NBDY: variants seen among roughly 807,000 people sequenced by gnomAD.
NBDY encodes the protein P-body dissociating protein.
chrX:56,787,106 A>G (rs1022735051), intron 2 of NBDY, among the ~76,000 whole-genome samples: 1 of 111,161 alleles, frequency 9.0e-6, no homozygotes, highest in African/African-American at 3.3e-5. Flanking sequence ...TCCGGATTTC[A>G]GTGTGTGCAG....
intron 2 of NBDY, among the ~76,000 whole-genome samples, chrX:56,792,214 G>A (rs771784386): frequency 1.4e-4 from 16 of 111,051 alleles, no homozygotes; most frequent in Non-Finnish European, 2.4e-4. Context: ...CTGCCCACAT[G>A]TTATATTTAA....
rs1263081469 is a variant in NBDY at position 56,818,310 on chromosome X, C to T, written c.*1157C>T. 1 of 111,571 alleles carries T rather than the reference C, an allele frequency of 9.0e-6. No homozygotes were observed. Among genetic ancestry groups the T allele is most frequent in the Non-Finnish European group, 1.9e-5 (1 of 53,075 alleles). 9.2% of individuals were successfully genotyped at this position (111,571 alleles called of 1,213,427 possible). A position where few individuals can be genotyped will look rare whatever the true frequency, so the allele number is the denominator to read the frequency against. On this transcript the variant is annotated 3_prime_UTR_variant, in exon 3 of 3. Coordinates refer to ENST00000374922, the MANE Select transcript of NBDY (RefSeq NM_001348129.2). ...ATGAATATTTAGAGAGATTGTGAAA[C>T]CTGAGTATTTTACCCAATCCTCTGA...
At position 56,804,857 on chromosome X, in the gene NBDY, A is replaced by G. The variant is rs763965660; in HGVS notation, c.*167-12463A>G. Among the ~76,000 whole-genome samples the G allele has an allele frequency of 2.3e-4, 26 of 112,526 alleles. No homozygotes were observed. In the East Asian group the frequency reaches 5.3e-3, roughly 23 times the overall value. ...TGCAAAGCTGTGGCCTCATTGCTCT[A>G]AAGGTTGCATGTCTTACCCATGCCT... is the stretch of plus-strand genomic sequence containing the variant. On this transcript the variant is annotated intron_variant, in intron 2 of 2. Coordinates refer to ENST00000374922, the MANE Select transcript of NBDY (RefSeq NM_001348129.2).
At chrX:56,794,953 C>G (rs1221872491) in intron 2 of NBDY, among the ~76,000 whole-genome samples, 2 of 112,202 alleles carry the variant, frequency 1.8e-5, no homozygotes, top group Non-Finnish European at 3.8e-5. Flanking sequence ...AGCGACCTCT[C>G]TCACTGGAGC....
chrX:56,759,686 G>A (rs1337846268), intron 2 of NBDY, among the ~76,000 whole-genome samples: 1 of 111,568 alleles, frequency 9.0e-6, no homozygotes, highest in Non-Finnish European at 1.9e-5. Flanking sequence ...AACAGATGGC[G>A]ACAAGCCGTC....
chrX:56,767,523 G>A (rs1046599126), intron 2 of NBDY, among the ~76,000 whole-genome samples: 2 of 112,585 alleles, frequency 1.8e-5, no homozygotes, highest in African/African-American at 3.2e-5. Flanking sequence ...CGAGCTACTC[G>A]CCGCGCTTGC....
chrX:56,736,850 G>C (rs1489835913), intron 2 of NBDY, among the ~76,000 whole-genome samples: 1 of 111,833 alleles, frequency 8.9e-6, no homozygotes, highest in Admixed American at 9.5e-5. Context: ...AAATCTATTT[G>C]GATAGCAGTG....
At chrX:56,801,443 G>A (rs975016173) in intron 2 of NBDY, among the ~76,000 whole-genome samples, 1 of 108,792 alleles carries the variant, frequency 9.2e-6, no homozygotes, top group African/African-American at 3.4e-5. Flanking sequence ...TACTGAGACT[G>A]CTTCTTCCTC....
chrX:56,765,534 A>G (rs1455045112), intron 2 of NBDY, among the ~76,000 whole-genome samples: 2 of 111,922 alleles, frequency 1.8e-5, no homozygotes, highest in African/African-American at 3.3e-5. Context: ...GGATGTCAGA[A>G]GTGGCTCCGT....
At chrX:56,735,307 A>C (rs2069481787) in intron 2 of NBDY, among the ~76,000 whole-genome samples, 1 of 112,627 alleles carries the variant, frequency 8.9e-6, no homozygotes, top group African/African-American at 3.2e-5. Flanking sequence ...ACTTTTGCAC[A>C]CTTGGTCTCG....
At chrX:56,782,274 T>G (rs1462340988) in intron 2 of NBDY, among the ~76,000 whole-genome samples, 1 of 111,458 alleles carries the variant, frequency 9.0e-6, no homozygotes, top group Non-Finnish European at 1.9e-5. Flanking sequence ...TTCTCTTTTT[T>G]GTTTTCTTAC....
chrX:56,737,528 A>T (rs1211327857), intron 2 of NBDY: 2 of 956,819 alleles, frequency 2.1e-6, no homozygotes, highest in Non-Finnish European at 2.9e-6. Context: ...CCATTTTCGA[A>T]TACCATCCAG....
At chrX:56,799,760 C>A (rs1278446236) in intron 2 of NBDY, among the ~76,000 whole-genome samples, 6 of 112,066 alleles carry the variant, frequency 5.4e-5, no homozygotes, top group East Asian at 2.8e-4. Flanking sequence ...CAAACACACA[C>A]AAAAAAAACA....
At chrX:56,813,448 C>T (rs1297987047) in intron 2 of NBDY, among the ~76,000 whole-genome samples, 4 of 111,063 alleles carry the variant, frequency 3.6e-5, no homozygotes, top group African/African-American at 1.3e-4. Flanking sequence ...CACTCTCACT[C>T]ACACAGGCAG....
chrX:56,754,148 A>T (rs1255534604), intron 2 of NBDY, among the ~76,000 whole-genome samples: 1 of 111,782 alleles, frequency 8.9e-6, no homozygotes, highest in African/African-American at 3.3e-5. Context: ...AGGAAGTGAG[A>T]TTATATGGGA....
At chrX:56,747,308 A>G (rs1235523268) in intron 2 of NBDY, among the ~76,000 whole-genome samples, 1 of 112,108 alleles carries the variant, frequency 8.9e-6, no homozygotes, top group African/African-American at 3.2e-5. Context: ...CTATAAGAGA[A>G]TACAAGAAGG....
chrX:56,751,129 C>T (rs1179957318), intron 2 of NBDY, among the ~76,000 whole-genome samples: 1 of 110,587 alleles, frequency 9.0e-6, no homozygotes, highest in African/African-American at 3.3e-5. Flanking sequence ...CAAACTCACA[C>T]AACTTTTTTT....
intron 2 of NBDY, among the ~76,000 whole-genome samples, chrX:56,799,470 G>T (rs777544968): frequency 2.7e-5 from 3 of 113,182 alleles, no homozygotes; most frequent in Admixed American, 9.2e-5. Context: ...TTCTGTCCCC[G>T]GGCCTCTAGC....
At chrX:56,801,570 C>T (rs761048692) in intron 2 of NBDY, among the ~76,000 whole-genome samples, 69 of 111,099 alleles carry the variant, frequency 6.2e-4, no homozygotes, top group African/African-American at 1.9e-3. Context: ...TCCACAAAGG[C>T]GCCAATGTGT....
Sources: allele counts gnomAD v4.1 joint callset (sites outside exome capture counted in the v4.1 genomes callset), GRCh38; gene constraint gnomAD v4.1.1; transcripts MANE v1.5; gene names NCBI Gene and HGNC (gene_info 2026-07-23, HGNC 2026-07-21).